SMIM36: variants seen among roughly 807,000 people sequenced by gnomAD.
The protein encoded by SMIM36 is small integral membrane protein 36.
chr17:55,511,481 G>A (rs1376170351), upstream of SMIM36: 9 of 389,716 alleles, frequency 2.3e-5, no homozygotes, highest in East Asian at 3.3e-4. Flanking sequence ...AGGAGACCTC[G>A]AGGATTAAAG....
At chr17:55,487,123 T>A (rs1490559611) in intron 1 of SMIM36, among the ~76,000 whole-genome samples, 2 of 151,730 alleles carry the variant, frequency 1.3e-5, no homozygotes, top group African/African-American at 4.9e-5. Context: ...ACACCGCATG[T>A]TCTCACTCAT....
At chr17:55,529,552 G>C in the SMIM36 span, among the ~76,000 whole-genome samples, 2 of 151,850 alleles carry the variant, frequency 1.3e-5, no homozygotes, top group African/African-American at 4.8e-5. Context: ...CAGATCACAA[G>C]GTCAGGAGAT....
chr17:55,532,107 T>A, the SMIM36 span, among the ~76,000 whole-genome samples: 1 of 152,260 alleles, frequency 6.6e-6, no homozygotes, highest in African/African-American at 2.4e-5. Flanking sequence ...TTATGCTTCC[T>A]AAATATTGCT....
rs1910070488 is a variant in SMIM36 at position 55,505,775 on chromosome 17, C to G, written c.*174+5104G>C. Among the ~76,000 whole-genome samples the G allele has an allele frequency of 1.7e-5, 2 of 119,722 alleles. 1 individual carries two copies. The highest frequency in any genetic ancestry group is 1.6e-4 in the Admixed American group (2 of 12,140). The allele number at this position is 119,722 out of a possible 152,430, so 78.5% of individuals were successfully genotyped here. A position where few individuals can be genotyped will look rare whatever the true frequency, so the allele number is the denominator to read the frequency against. On this transcript the variant is annotated intron_variant, in intron 1 of 4. Coordinates refer to ENST00000636752, the Ensembl canonical transcript of SMIM36. ...AAAGGGTATTCAATTAGGAAAAGAG[C>G]AAGTCAAATTGTTCCTGTTTGCAGA...
intron 1 of SMIM36, among the ~76,000 whole-genome samples, chr17:55,509,039 A>G (rs1434409390): frequency 1.3e-5 from 2 of 152,222 alleles, no homozygotes; most frequent in Non-Finnish European, 2.9e-5. Context: ...AAGAGAAAAT[A>G]TAATCTTCTG....
At chr17:55,492,240 TTC>T (rs1302406143) in intron 1 of SMIM36, among the ~76,000 whole-genome samples, 56 of 87,922 alleles carry the variant, frequency 6.4e-4, no homozygotes, top group African/African-American at 3.6e-3. Context: ...TTTTCTTTCT[TTC>T]TTTTTTTTTT....
chr17:55,492,279 T>C (rs1381256995), intron 1 of SMIM36, among the ~76,000 whole-genome samples: 6 of 144,506 alleles, frequency 4.2e-5, no homozygotes, highest in South Asian at 2.2e-4. Flanking sequence ...AGTCTTATTC[T>C]GTCACCAGGC....
chr17:55,488,678 G>A (rs1909650204), intron 1 of SMIM36, among the ~76,000 whole-genome samples: 1 of 152,030 alleles, frequency 6.6e-6, no homozygotes, highest in Non-Finnish European at 1.5e-5. Flanking sequence ...TTTCATTTTT[G>A]AACATTTAGC....
chr17:55,508,788 T>G (rs933653849), intron 1 of SMIM36, among the ~76,000 whole-genome samples: 1 of 151,870 alleles, frequency 6.6e-6, no homozygotes, highest in African/African-American at 2.4e-5. Context: ...CTGCGTGTGG[T>G]GGCAGATGCC....
At chr17:55,508,477 C>T (rs1295909080) in intron 1 of SMIM36, among the ~76,000 whole-genome samples, 1 of 118,740 alleles carries the variant, frequency 8.4e-6, no homozygotes, top group African/African-American at 3.9e-5. Flanking sequence ...TATGAACCTG[C>T]CCTTTTCTTA....
chr17:55,469,781 A>G (rs1013088549), intron 3 of SMIM36, among the ~76,000 whole-genome samples: 1 of 152,094 alleles, frequency 6.6e-6, no homozygotes, highest in Non-Finnish European at 1.5e-5. Flanking sequence ...AGTTCGAGAC[A>G]AGCCTGGCCA....
At chr17:55,509,137 C>A (rs1173289202) in intron 1 of SMIM36, among the ~76,000 whole-genome samples, 2 of 152,136 alleles carry the variant, frequency 1.3e-5, no homozygotes, top group Non-Finnish European at 2.9e-5. Flanking sequence ...GTTACAGCTA[C>A]TTAACAATCC....
chr17:55,475,959 C>G (rs1041756972), intron 3 of SMIM36, among the ~76,000 whole-genome samples: 2 of 152,118 alleles, frequency 1.3e-5, no homozygotes, highest in Non-Finnish European at 2.9e-5. Flanking sequence ...TAATCCCGCT[C>G]GAAGCAGCCC....
the SMIM36 span, among the ~76,000 whole-genome samples, chr17:55,517,187 G>A: frequency 1.3e-5 from 2 of 152,124 alleles, no homozygotes; most frequent in African/African-American, 4.8e-5. Flanking sequence ...TACTATTGAA[G>A]GTATACTAAG....
At chr17:55,514,943 A>C (rs1371246991), upstream of SMIM36, among the ~76,000 whole-genome samples, 1 of 152,150 alleles carries the variant, frequency 6.6e-6, no homozygotes, top group East Asian at 1.9e-4. Context: ...AAATGTTATA[A>C]ACTTATTTAA....
At chr17:55,527,148 C>T in the SMIM36 span, 94 of 152,234 alleles carry the variant, frequency 6.2e-4, no homozygotes, top group African/African-American at 2.2e-3. Context: ...TCTATGTCCT[C>T]ATGTTATTGA....
intron 1 of SMIM36, among the ~76,000 whole-genome samples, chr17:55,509,531 C>A (rs1258639808): frequency 6.6e-6 from 1 of 152,158 alleles, no homozygotes; most frequent in Non-Finnish European, 1.5e-5. Context: ...TCTGTTGACT[C>A]CTGCATCCTA....
Position 55,501,128 on chromosome 17 carries a change from A to G in SMIM36, c.*174+9751T>C, listed in dbSNP as rs796954342. Among the ~76,000 whole-genome samples the G allele has an allele frequency of 5.4e-4, 7 of 12,942 alleles. 3 individuals carry two copies. The highest frequency in any genetic ancestry group is 2.4e-3 in the Admixed American group (2 of 822). The allele number at this position is 12,942 out of a possible 152,430, so 8.5% of individuals were successfully genotyped here. On this transcript the variant is annotated intron_variant, in intron 1 of 4. Coordinates refer to ENST00000636752, the Ensembl canonical transcript of SMIM36. Reference sequence around the variant, plus strand: ...ATATATAATATATATCATATTTTATAATATATAATATATCTTATATTTTAT... The same window carrying G: ...ATATATAATATATATCATATTTTATGATATATAATATATCTTATATTTTAT...
intron 1 of SMIM36, among the ~76,000 whole-genome samples, chr17:55,494,883 C>G (rs1360242596): frequency 6.6e-6 from 1 of 152,100 alleles, no homozygotes; most frequent in Admixed American, 6.6e-5. Flanking sequence ...ATTTGAAAGC[C>G]ACTGGTTTAG....
Sources: allele counts gnomAD v4.1 joint callset (sites outside exome capture counted in the v4.1 genomes callset), GRCh38; gene constraint gnomAD v4.1.1; transcripts MANE v1.5; gene names NCBI Gene and HGNC (gene_info 2026-07-23, HGNC 2026-07-21).